EPN2: variants seen among roughly 807,000 people sequenced by gnomAD.
EPN2 encodes the protein epsin-2.
In EPN2, 34 loss-of-function variants were observed where a neutral mutation model predicts 61.7. The ratio of observed to expected loss-of-function variants is 0.55; its 90% CI spans 0.42 to 0.73. The LOEUF (loss-of-function observed/expected upper bound fraction) is 0.73. EPN2 is among the 30% of genes least tolerant of loss of function. The probability of loss-of-function intolerance (pLI) is 0.00; values close to 1 mark genes in which losing one functional copy is unlikely to be tolerated. For synonymous variants in EPN2, 349 were observed against 353.6 expected (o/e 0.99, Z 0.15); for missense variants, 714 against 839.2 (o/e 0.85, Z 1.84).
At chr17:19,255,491 T>C (rs745498137) in intron 1 of EPN2, among the ~76,000 whole-genome samples, 29 of 150,378 alleles carry the variant, frequency 1.9e-4, no homozygotes, top group Admixed American at 6.6e-5. Flanking sequence ...TTTTCTTGTG[T>C]TCTCTGGATT....
intron 4 of EPN2, among the ~76,000 whole-genome samples, chr17:19,299,616 C>A (rs1022666553): frequency 2.0e-5 from 3 of 152,260 alleles, no homozygotes; most frequent in Admixed American, 2.0e-4. Flanking sequence ...TCCCACCCAA[C>A]AAGCTGGTGC....
intron 1 of EPN2, among the ~76,000 whole-genome samples, chr17:19,246,039 G>T (rs576136541): frequency 1.3e-5 from 2 of 151,920 alleles, no homozygotes; most frequent in African/African-American, 2.4e-5. Context: ...GTGAGCTATC[G>T]CACCCAGCTG....
intron 1 of EPN2, among the ~76,000 whole-genome samples, chr17:19,266,698 G>A (rs1465516532): frequency 2.6e-5 from 4 of 151,404 alleles, no homozygotes; most frequent in African/African-American, 7.3e-5. Context: ...CACCACGCCC[G>A]GCCATCTCAG....
intron 4 of EPN2, among the ~76,000 whole-genome samples, chr17:19,289,017 G>A (rs1300566549): frequency 2.6e-5 from 4 of 151,926 alleles, no homozygotes; most frequent in African/African-American, 9.7e-5. Context: ...GGGAGATGGT[G>A]GGGGTCTGGA....
chr17:19,251,505 C>T (rs2045014900), intron 1 of EPN2, among the ~76,000 whole-genome samples: 1 of 152,084 alleles, frequency 6.6e-6, no homozygotes, highest in South Asian at 2.1e-4. Flanking sequence ...GTAATCTCAG[C>T]TCACTGCAAC....
Position 19,335,442 on chromosome 17 carries a change from A to T in EPN2, c.*1188A>T. The stretch of plus-strand genomic sequence containing the variant: ...TAACAGGACTTCTGTTTACAATGGA[A>T]ATCTGAAATGGAAGAAACATCTTTA... On this transcript the variant is annotated 3_prime_UTR_variant, in exon 11 of 11. Transcript: ENST00000314728. 1 of 1,550,068 alleles carries T rather than the reference A, an allele frequency of 6.5e-7. No individual in the cohort carries two copies. The highest frequency in any genetic ancestry group is 8.7e-7 in the Non-Finnish European group (1 of 1,146,706).
At chr17:19,310,134 C>A in intron 5 of EPN2, 137 bp downstream of exon 5, 1 of 668,626 alleles carries the variant, frequency 1.5e-6, no homozygotes, top group Non-Finnish European at 2.7e-6. Flanking sequence ...GCATTTCATG[C>A]TGCCGTAAGT....
chr17:19,328,688 G>T (rs1215826404), intron 7 of EPN2, 23 bp from the exon 8 acceptor site: 27 of 1,587,390 alleles, frequency 1.7e-5, no homozygotes, highest in Non-Finnish European at 2.2e-5. Flanking sequence ...GCATTTCTGA[G>T]CCCTGACCCT....
At chr17:19,305,518 G>A (rs1251443376) in intron 4 of EPN2, among the ~76,000 whole-genome samples, 1 of 152,208 alleles carries the variant, frequency 6.6e-6, no homozygotes, top group African/African-American at 2.4e-5. Context: ...CTATGTGACT[G>A]GCAGATGCTG....
rs769145953 is a variant in EPN2, at chr17:19,283,224, G to C, written c.105G>C (p.Pro35=). The C allele has an allele frequency of 6.2e-7, 1 of 1,613,990 alleles. No individual in the cohort carries two copies. Among genetic ancestry groups the C allele is most frequent in the African/African-American group, 1.3e-5 (1 of 74,890 alleles). The change falls in exon 3 of 11, where the codon CCG becomes CCC. Residue 35 remains proline, a synonymous_variant. Coordinates refer to ENST00000314728, the MANE Select transcript of EPN2 (RefSeq NM_014964.5). This position sits in a 1 kb window ranked among gnomAD's most constrained non-coding sequence, Gnocchi z 7.0. ...REATSNDPWG[P]SSSLMTEIAD... is the part of the protein sequence containing the mutation. ...CCACCTCCAATGACCCGTGGGGCCC[G>C]TCCAGTTCTCTGATGACCGAGATTG... is the stretch of plus-strand genomic sequence containing the variant.
chr17:19,239,037 G>A (rs886741425), intron 1 of EPN2, among the ~76,000 whole-genome samples: 2 of 152,198 alleles, frequency 1.3e-5, no homozygotes, highest in Admixed American at 1.3e-4. Flanking sequence ...GTTTTCATCT[G>A]TATTTAAATG....
At chr17:19,258,178 G>A (rs1014358345) in intron 1 of EPN2, among the ~76,000 whole-genome samples, 10 of 152,292 alleles carry the variant, frequency 6.6e-5, no homozygotes, top group African/African-American at 2.4e-4. Context: ...TGCTGAGACA[G>A]TGTGGAGGAG....
In EPN2 at chr17:19,283,732, T is replaced by C. The variant is rs578106997; in HGVS notation, c.595+18T>C. On this transcript the variant is annotated intron_variant, in intron 3 of 10. Transcript: ENST00000314728. The surrounding 1 kb of genome is among the most constrained non-coding windows in gnomAD (Gnocchi z 7.0). ...CCATGGCTGTGAGTAATGGAAGTGC[T>C]TCTCACCCTTTGCCAGAGCAGCAGC... 1 of 1,535,102 alleles carries C rather than the reference T, an allele frequency of 6.5e-7. No homozygotes were observed. The highest frequency in any genetic ancestry group is 8.8e-7 in the Non-Finnish European group (1 of 1,139,636).
intron 4 of EPN2, among the ~76,000 whole-genome samples, chr17:19,286,199 T>C (rs2045403301): frequency 6.6e-6 from 1 of 152,142 alleles, no homozygotes; most frequent in Non-Finnish European, 1.5e-5. Flanking sequence ...ACCAGACAAA[T>C]ATAAGATCCT....
At chr17:19,291,252 T>G (rs927177152) in intron 4 of EPN2, among the ~76,000 whole-genome samples, 1 of 152,146 alleles carries the variant, frequency 6.6e-6, no homozygotes, top group Non-Finnish European at 1.5e-5. Flanking sequence ...GCCCAGGACT[T>G]CATGGAGCAG....
intron 4 of EPN2, among the ~76,000 whole-genome samples, chr17:19,290,881 A>G (rs372131515): frequency 6.6e-6 from 1 of 151,874 alleles, no homozygotes; most frequent in East Asian, 1.9e-4. Context: ...GGCTCTCCTC[A>G]TGGCCCCTCC....
chr17:19,269,943 G>GA (rs2045237299), intron 1 of EPN2, among the ~76,000 whole-genome samples: 1 of 152,194 alleles, frequency 6.6e-6, no homozygotes, highest in South Asian at 2.1e-4. Flanking sequence ...TTCAGCAAAG[G>GA]AAAGTTTCTT....
At chr17:19,276,006 A>G (rs578022794) in intron 1 of EPN2, among the ~76,000 whole-genome samples, 1 of 152,366 alleles carries the variant, frequency 6.6e-6, no homozygotes, top group Non-Finnish European at 1.5e-5. Context: ...TGTGTGGTTA[A>G]CAATTGTTAT....
intron 1 of EPN2, among the ~76,000 whole-genome samples, chr17:19,243,182 A>G (rs995324340): frequency 6.7e-6 from 1 of 148,466 alleles, no homozygotes; most frequent in Admixed American, 6.7e-5. Context: ...GCTGCACCCC[A>G]TTGTTTCTCA....
Sources: gnomAD v4.1 joint callset for allele counts (sites outside exome capture counted in the v4.1 genomes callset) on GRCh38, gnomAD v4.1.1 for gene constraint, Gnocchi (gnomAD v3.1) non-coding constraint, MANE v1.5 for transcripts, NCBI Gene and HGNC (gene_info 2026-07-23, HGNC 2026-07-21) for gene names.